The following SEMA3A variants were observed in gnomAD, a reference collection of about 807,000 sequenced individuals.
SEMA3A encodes the protein semaphorin-3A.
SEMA3A carries 29 observed loss-of-function variants against 97.9 expected under a neutral mutation model. That is an observed-to-expected ratio of 0.30 (90% CI 0.22 to 0.40). The LOEUF (loss-of-function observed/expected upper bound fraction) is 0.40. Among genes scored for constraint, SEMA3A ranks in the 10% least tolerant of loss-of-function variants. The probability of loss-of-function intolerance (pLI) is 1.00; values close to 1 mark genes in which losing one functional copy is unlikely to be tolerated. For missense variants in SEMA3A, 763 were observed against 951.3 expected, an observed-to-expected ratio of 0.80 and a Z score of 2.60; for synonymous variants, 321 against 323.7, an observed-to-expected ratio of 0.99 and a Z score of 0.09.
intron 3 of SEMA3A, among the ~76,000 whole-genome samples, chr7:84,228,888 C>A (rs1275640947): frequency 2.6e-5 from 4 of 152,056 alleles, no homozygotes. Context: ...ACCTCATTAT[C>A]CCTTGAAATT....
intron 1 of SEMA3A, among the ~76,000 whole-genome samples, chr7:84,422,976 T>G (rs1223964531): frequency 6.6e-6 from 1 of 152,038 alleles, no homozygotes; most frequent in Non-Finnish European, 1.5e-5. Flanking sequence ...TAAAAGGAGA[T>G]TTGAATCATC....
At chr7:84,417,176 A>T (rs747924313) in intron 1 of SEMA3A, among the ~76,000 whole-genome samples, 33 of 152,108 alleles carry the variant, frequency 2.2e-4, no homozygotes, top group Non-Finnish European at 4.4e-4. Context: ...ATTGTGATTT[A>T]ATACTTAATT....
At chr7:84,008,384 G>A (rs1336935114) in intron 9 of SEMA3A, among the ~76,000 whole-genome samples, 5 of 151,712 alleles carry the variant, frequency 3.3e-5, no homozygotes, top group African/African-American at 7.3e-5. Context: ...CCAGCTACTC[G>A]GGAGGCTGAG....
At chr7:84,005,699 G>T in intron 10 of SEMA3A, 141 bp from the exon 11 acceptor site, 1 of 596,620 alleles carries the variant, frequency 1.7e-6, no homozygotes, top group Non-Finnish European at 2.8e-6. Flanking sequence ...TCTAATCCTA[G>T]CACTTTGAGA....
At chr7:84,230,984 G>T (rs1799104159) in intron 3 of SEMA3A, among the ~76,000 whole-genome samples, 1 of 151,826 alleles carries the variant, frequency 6.6e-6, no homozygotes, top group Admixed American at 6.6e-5. Flanking sequence ...ATCACAGTAA[G>T]GTCTGTATGC....
intron 2 of SEMA3A, among the ~76,000 whole-genome samples, chr7:84,365,434 G>C (rs1802823848): frequency 1.3e-5 from 2 of 151,454 alleles, no homozygotes; most frequent in Admixed American, 1.3e-4. Context: ...TGTATTACTT[G>C]TTCAGTGTCA....
At chr7:84,172,525 C>G (rs1041403341) in intron 1 of SEMA3A, among the ~76,000 whole-genome samples, 3 of 152,072 alleles carry the variant, frequency 2.0e-5, no homozygotes, top group African/African-American at 7.2e-5. Context: ...GGGTTCACGC[C>G]ATTCTCCTGC....
chr7:84,037,995 T>A (rs1325596640), intron 6 of SEMA3A, among the ~76,000 whole-genome samples: 1 of 152,118 alleles, frequency 6.6e-6, no homozygotes, highest in Non-Finnish European at 1.5e-5. Context: ...TGGGGAAACA[T>A]TTTTAAAGAC....
intron 4 of SEMA3A, among the ~76,000 whole-genome samples, chr7:84,078,837 T>C (rs1240323151): frequency 6.6e-6 from 1 of 152,066 alleles, no homozygotes; most frequent in African/African-American, 2.4e-5. Context: ...TTCAAATATT[T>C]ATGTCTAAAT....
chr7:84,296,646 T>TA (rs1562890774), intron 3 of SEMA3A, among the ~76,000 whole-genome samples: 1 of 152,160 alleles, frequency 6.6e-6, no homozygotes, highest in African/African-American at 2.4e-5. Flanking sequence ...AACTAGAATC[T>TA]AGATGTCCTG....
intron 2 of SEMA3A, among the ~76,000 whole-genome samples, chr7:84,359,335 G>A (rs1231230569): frequency 6.6e-6 from 1 of 152,036 alleles, no homozygotes; most frequent in African/African-American, 2.4e-5. Context: ...TTTATTGAGA[G>A]TTTTTAGCAT....
chr7:84,353,540 C>T (rs1444983317), intron 2 of SEMA3A, among the ~76,000 whole-genome samples: 1 of 151,626 alleles, frequency 6.6e-6, no homozygotes, highest in African/African-American at 2.4e-5. Flanking sequence ...GATGCATAAT[C>T]TATTTTTGTG....
At chr7:84,458,660 C>T (rs1046231519) in intron 1 of SEMA3A, among the ~76,000 whole-genome samples, 1 of 151,998 alleles carries the variant, frequency 6.6e-6, no homozygotes, top group Non-Finnish European at 1.5e-5. Context: ...GCCTCGTCAT[C>T]ACCAGAAATC....
chr7:83,961,161 TTC>T lies in SEMA3A; in HGVS notation c.*208_*209del. 1.7e-6 allele frequency: 1 copy of T among 574,260 alleles called. No individual in the cohort carries two copies. Among genetic ancestry groups the T allele is most frequent in the Non-Finnish European group, 3.1e-6 (1 of 322,068 alleles). 35.6% of individuals were successfully genotyped at this position (574,260 alleles called of 1,614,324 possible). A position where few individuals can be genotyped will look rare whatever the true frequency, so the allele number is the denominator to read the frequency against. ...AAGTGAACATCTGCATTCACCTGTGTTCTCTGTTAGGTGGTGGTATTAGGAAA... is the reference window on the plus strand; with the variant it reads ...AAGTGAACATCTGCATTCACCTGTGTTCTGTTAGGTGGTGGTATTAGGAAA... On this transcript the variant is annotated 3_prime_UTR_variant, in exon 17 of 17. Transcript: ENST00000265362.
chr7:84,029,371 T>A (rs1406507727), intron 6 of SEMA3A, among the ~76,000 whole-genome samples: 1 of 152,200 alleles, frequency 6.6e-6, no homozygotes, highest in African/African-American at 2.4e-5. Context: ...GCATATAATA[T>A]CTTGTTATTT....
At chr7:84,084,135 C>T (rs1183556491) in intron 4 of SEMA3A, among the ~76,000 whole-genome samples, 3 of 151,892 alleles carry the variant, frequency 2.0e-5, no homozygotes, top group Admixed American at 6.6e-5. Flanking sequence ...TGTTTAATGC[C>T]TTTTGATTTT....
chr7:84,421,449 G>A (rs1459089231), intron 1 of SEMA3A, among the ~76,000 whole-genome samples: 2 of 151,840 alleles, frequency 1.3e-5, no homozygotes, highest in African/African-American at 4.8e-5. Flanking sequence ...CTCCAGTAAC[G>A]GTAACTGTAG....
rs999671380 is a variant in SEMA3A, at chr7:84,053,232, T to C, written c.548-6789A>G. On this transcript the variant is annotated intron_variant, in intron 5 of 16. Coordinates refer to ENST00000265362, the MANE Select transcript of SEMA3A (RefSeq NM_006080.3). ...TTCTGTAGATGTCTATTAGGTACGC[T>C]TGGCGCAGAGCTGAGTTCAATTCCT... Among the ~76,000 whole-genome samples, 12 of 106,592 alleles carry C rather than the reference T, an allele frequency of 1.1e-4. 1 individual carries two copies. Among genetic ancestry groups the C allele is most frequent in the Middle Eastern group, 3.7e-3 (1 of 268 alleles). 69.9% of individuals were successfully genotyped at this position (106,592 alleles called of 152,430 possible). A position where few individuals can be genotyped will look rare whatever the true frequency, so the allele number is the denominator to read the frequency against.
chr7:84,208,137 G>C (rs528906790), intron 3 of SEMA3A, among the ~76,000 whole-genome samples: 5 of 152,042 alleles, frequency 3.3e-5, no homozygotes, highest in Non-Finnish European at 5.9e-5. Context: ...TTTTGTACCA[G>C]GTTATATACT....
Sources: allele counts gnomAD v4.1 joint callset (sites outside exome capture counted in the v4.1 genomes callset), GRCh38; gene constraint gnomAD v4.1.1; transcripts MANE v1.5; gene names NCBI Gene and HGNC (gene_info 2026-07-23, HGNC 2026-07-21).